The following ANK2 variants were observed in gnomAD, a reference collection of about 807,000 sequenced individuals.
ANK2 encodes ankyrin 2.
A neutral mutation model predicts 360.5 loss-of-function variants in ANK2; 83 were observed. The ratio of observed to expected loss-of-function variants is 0.23; its 90% confidence interval spans 0.19 to 0.28. ANK2 has a LOEUF of 0.28. Ranked by LOEUF, ANK2 falls within the 10% of genes least tolerant of loss-of-function variation. The pLI is 1.00. For missense variants in ANK2, 4,201 were observed against 4,795.7 expected (o/e 0.88, Z 3.66); for synonymous variants, 1,740 against 1,759.5 (o/e 0.99, Z 0.28).
At chr4:112,815,402 AAC>A (rs144901595), upstream of ANK2, among the ~76,000 whole-genome samples, 419 of 152,374 alleles carry the variant, frequency 2.7e-3, 2 homozygotes, top group African/African-American at 9.7e-3. Flanking sequence ...TATATAAACA[AAC>A]ACATATATTA....
chr4:112,752,941 C>T, the ANK2 span, among the ~76,000 whole-genome samples: 2 of 152,210 alleles, frequency 1.3e-5, no homozygotes, highest in Admixed American at 1.3e-4. Context: ...GCTGGGACTA[C>T]AAGTGTGAAC....
chr4:112,762,465 A>G, the ANK2 span, among the ~76,000 whole-genome samples: 1 of 152,214 alleles, frequency 6.6e-6, no homozygotes, highest in East Asian at 1.9e-4. Flanking sequence ...TCAGTTTAAA[A>G]TATTAATCAA....
At chr4:112,948,899 A>G (rs1427639692) in intron 2 of ANK2, among the ~76,000 whole-genome samples, 3 of 152,102 alleles carry the variant, frequency 2.0e-5, no homozygotes, top group Non-Finnish European at 2.9e-5. Flanking sequence ...ATTTTCACCT[A>G]TTGCTTTTGG....
chr4:112,770,896 C>A, the ANK2 span, among the ~76,000 whole-genome samples: 3 of 152,082 alleles, frequency 2.0e-5, no homozygotes, highest in African/African-American at 7.2e-5. Flanking sequence ...TGAAAACTAC[C>A]TTATTTATGA....
intron 2 of ANK2, among the ~76,000 whole-genome samples, chr4:112,951,644 TA>T (rs76867362): frequency 0.066 from 9,975 of 150,486 alleles, 437 homozygotes; most frequent in African/African-American, 0.12. Context: ...TCTAAGGGTT[TA>T]AAAAAAAAAT....
chr4:112,871,757 T>G (rs1163747422), intron 1 of ANK2, among the ~76,000 whole-genome samples: 2 of 152,202 alleles, frequency 1.3e-5, no homozygotes, highest in Non-Finnish European at 1.5e-5. Context: ...CTTTATCAAG[T>G]TCAGGAATTT....
intron 2 of ANK2, among the ~76,000 whole-genome samples, chr4:112,929,133 G>A (rs766233739): frequency 2.6e-5 from 4 of 152,136 alleles, no homozygotes; most frequent in Non-Finnish European, 4.4e-5. Flanking sequence ...GATTACAGGC[G>A]TGAGCCACCA....
chr4:113,002,331 G>T (rs992852414), intron 2 of ANK2, among the ~76,000 whole-genome samples: 1 of 152,320 alleles, frequency 6.6e-6, no homozygotes, highest in Non-Finnish European at 1.5e-5. Context: ...AACAATGGTA[G>T]ACTGGATTAA....
chr4:113,313,186 A>G (rs1021744187), intron 24 of ANK2, among the ~76,000 whole-genome samples: 16 of 152,292 alleles, frequency 1.1e-4, no homozygotes, highest in African/African-American at 3.6e-4. Context: ...TTATACTCTG[A>G]GATTCTTAAA....
chr4:113,108,426 A>G (rs1013522486), intron 1 of ANK2, among the ~76,000 whole-genome samples: 11 of 152,186 alleles, frequency 7.2e-5, no homozygotes, highest in Admixed American at 5.9e-4. Context: ...AGATTTATTT[A>G]AATTATGTAA....
At chr4:112,939,454 C>T (rs1581545262) in intron 2 of ANK2, among the ~76,000 whole-genome samples, 1 of 151,036 alleles carries the variant, frequency 6.6e-6, no homozygotes, top group African/African-American at 2.5e-5. Context: ...GGATTACAGG[C>T]GTGTGCCACC....
intron 1 of ANK2, among the ~76,000 whole-genome samples, chr4:113,072,739 A>G (rs1164949698): frequency 4.7e-5 from 5 of 105,598 alleles, no homozygotes; most frequent in East Asian, 2.7e-4. Context: ...GACACTTGGC[A>G]TAATTTTTTT....
chr4:113,174,417 C>A lies in ANK2; in HGVS notation c.86C>A (p.Ser29Tyr). The change falls in exon 2 of 46, where the codon TCT becomes TAT. Residue 29 changes from serine (S) to tyrosine (Y), a missense_variant and splice_region_variant. By Grantham distance (144) the Ser-to-Tyr change is moderately radical (BLOSUM62 -2). This residue lies in a region of ANK2 where 169 missense variants were observed against 191.1 expected (regional missense o/e 0.88). Transcript: ENST00000357077. Reference sequence around the variant, plus strand: ...AAAGGTCTTTTATTTTTCTCGCAGTCTGACAGCAATGCAAGCTTCCTCCGT... The same window carrying A: ...AAAGGTCTTTTATTTTTCTCGCAGTATGACAGCAATGCAAGCTTCCTCCGT... ...SSQRRKRPKK[S>Y]DSNASFLRAA... 1.9e-6 allele frequency: 3 copies of A among 1,611,670 alleles called. No individual in the cohort carries two copies. The South Asian group carries it at 3.3e-5, about 18-fold the overall frequency.
At chr4:113,039,698 GT>G (rs1387843967) in intron 2 of ANK2, among the ~76,000 whole-genome samples, 1 of 151,954 alleles carries the variant, frequency 6.6e-6, no homozygotes, top group East Asian at 1.9e-4. Context: ...GTGCCTAACT[GT>G]ATATGCAACC....
intron 1 of ANK2, among the ~76,000 whole-genome samples, chr4:113,072,937 G>A (rs115102241): frequency 2.3e-4 from 30 of 133,090 alleles, no homozygotes; most frequent in African/African-American, 8.3e-4. Flanking sequence ...TCTCGACTCT[G>A]TCACAAGGAC....
intron 1 of ANK2, among the ~76,000 whole-genome samples, chr4:113,086,913 G>C (rs670473): frequency 0.038 from 5,818 of 152,260 alleles, 347 homozygotes; most frequent in African/African-American, 0.13. Flanking sequence ...GAGCAAGAAA[G>C]AGTGGTCAGA....
At chr4:112,730,119 TTG>T in the ANK2 span, among the ~76,000 whole-genome samples, 2 of 149,952 alleles carry the variant, frequency 1.3e-5, no homozygotes, top group Non-Finnish European at 3.0e-5. Context: ...CCAGGTGTGG[TTG>T]TGTGTACCTG....
At chr4:112,821,499 A>AT (rs952095787) in intron 1 of ANK2, among the ~76,000 whole-genome samples, 3,530 of 144,084 alleles carry the variant, frequency 0.024, 133 homozygotes, top group African/African-American at 0.061. Flanking sequence ...GACTACCCTA[A>AT]TTTTTTTTTT....
At chr4:112,960,300 A>G (rs1285812117) in intron 2 of ANK2, among the ~76,000 whole-genome samples, 1 of 151,282 alleles carries the variant, frequency 6.6e-6, no homozygotes, top group Non-Finnish European at 1.5e-5. Context: ...GATGACATGT[A>G]TGCAGGGTGG....
Sources: gnomAD v4.1 joint callset for allele counts (sites outside exome capture counted in the v4.1 genomes callset) on GRCh38, gnomAD v4.1.1 for gene constraint, gnomAD v4.1.1 regional missense constraint, MANE v1.5 for transcripts, NCBI Gene and HGNC (gene_info 2026-07-23, HGNC 2026-07-21) for gene names.